NOS1AP: variants seen among roughly 807,000 people sequenced by gnomAD.
The protein encoded by NOS1AP is carboxyl-terminal PDZ ligand of neuronal nitric oxide synthase protein.
Under a neutral mutation model 56.2 loss-of-function variants are expected in NOS1AP, and 21 were observed. The ratio of observed to expected loss-of-function variants is 0.37; its 90% CI spans 0.26 to 0.54. The LOEUF is 0.54. NOS1AP is among the 20% of genes least tolerant of loss of function. The pLI is 0.84. For synonymous variants in NOS1AP, 270 were observed against 274.6 expected (o/e 0.98, Z 0.17); for missense variants, 522 against 657.8 (o/e 0.79, Z 2.26).
At chr1:162,121,041 A>G (rs79069445) in intron 1 of NOS1AP, among the ~76,000 whole-genome samples, 3,203 of 149,476 alleles carry the variant, frequency 0.021, 125 homozygotes, top group African/African-American at 0.076. Context: ...GTCGAGGCCT[A>G]TAGAGAGATG....
At chr1:162,261,528 G>A (rs1654233773) in intron 2 of NOS1AP, among the ~76,000 whole-genome samples, 1 of 41,930 alleles carries the variant, frequency 2.4e-5, no homozygotes, top group African/African-American at 7.5e-5. Flanking sequence ...GAGAGAGAGA[G>A]AGAGAGAGAG....
In NOS1AP at chr1:162,343,980, G is replaced by A. The variant is rs1348629962; in HGVS notation, c.595+4G>A. The A allele has an allele frequency of 6.2e-7, 1 of 1,613,930 alleles. No individual in the cohort carries two copies. The highest frequency in any genetic ancestry group is 1.7e-5 in the Admixed American group (1 of 60,002). ...AGCAACAGCTCAGGAGACCCAGGTA[G>A]GCACTGCGGCTTCTGTGGATGTGGG... On this transcript the variant is annotated splice_donor_region_variant and intron_variant, in intron 6 of 9. Transcript: ENST00000361897.
chr1:162,325,599 T>A (rs1656561327), intron 4 of NOS1AP, among the ~76,000 whole-genome samples: 1 of 151,908 alleles, frequency 6.6e-6, no homozygotes. Flanking sequence ...AGACCAGGAG[T>A]CATGCTGGAT....
chr1:162,243,092 C>A (rs1653541885), intron 2 of NOS1AP, among the ~76,000 whole-genome samples: 1 of 152,160 alleles, frequency 6.6e-6, no homozygotes, highest in African/African-American at 2.4e-5. Context: ...AGTCTTCAAG[C>A]TGGTAATGAG....
intron 8 of NOS1AP, 91 bp from the exon 9 acceptor site, chr1:162,365,313 G>T: frequency 6.3e-7 from 1 of 1,599,910 alleles, no homozygotes; most frequent in South Asian, 1.1e-5. Context: ...GGGCATCTCT[G>T]GTCCCGGCCA....
intron 1 of NOS1AP, among the ~76,000 whole-genome samples, chr1:162,081,774 A>ATATT: frequency 2.3e-4 from 10 of 44,050 alleles, no homozygotes; most frequent in Admixed American, 3.2e-4. Flanking sequence ...ATATATATAT[A>ATATT]TTTTTTTTTT....
intron 8 of NOS1AP, chr1:162,364,413 G>T: frequency 1.0e-6 from 1 of 985,440 alleles, no homozygotes; most frequent in Non-Finnish European, 1.2e-6. Flanking sequence ...AATCACATAT[G>T]TGTGAACACT....
intron 1 of NOS1AP, among the ~76,000 whole-genome samples, chr1:162,104,801 C>T (rs562434172): frequency 1.3e-5 from 2 of 152,226 alleles, no homozygotes; most frequent in South Asian, 4.1e-4. Context: ...CTATCAGCTC[C>T]TGTATTGTTT....
intron 6 of NOS1AP, among the ~76,000 whole-genome samples, chr1:162,346,118 A>G (rs1657287255): frequency 6.6e-6 from 1 of 152,192 alleles, no homozygotes; most frequent in Non-Finnish European, 1.5e-5. Context: ...AAAATGTGGA[A>G]ATCTTTATTG....
intron 8 of NOS1AP, chr1:162,363,762 C>T (rs962384714): frequency 2.0e-6 from 2 of 982,932 alleles, no homozygotes; most frequent in East Asian, 1.1e-4. Context: ...ATGTATTTCA[C>T]TGTATCACAC....
At chr1:162,352,105 G>A (rs575993666) in intron 6 of NOS1AP, among the ~76,000 whole-genome samples, 13 of 152,018 alleles carry the variant, frequency 8.6e-5, no homozygotes, top group Admixed American at 3.3e-4. Context: ...TATTGCCCAG[G>A]CTGGAGTGCA....
In NOS1AP at chr1:162,261,539, A is replaced by AGAGAGAGAGAAGAGAG. The variant is rs1571170434; in HGVS notation, c.178-25798_178-25797insAGAAGAGAGGAGAGAG. ...GAGAGAGAGAGAGAGAGAGAGAGAG[A>AGAGAGAGAGAAGAGAG]GAGAGAGCAATGAAATGACTGGAAC... On this transcript the variant is annotated intron_variant, in intron 2 of 9. Transcript: ENST00000361897. 1.8e-4 allele frequency among the ~76,000 whole-genome samples: 3 copies of AGAGAGAGAGAAGAGAG among 16,878 alleles called. 1 individual carries two copies. Among genetic ancestry groups the AGAGAGAGAGAAGAGAG allele is most frequent in the African/African-American group, 4.1e-4 (3 of 7,374 alleles). 11.1% of individuals were successfully genotyped at this position (16,878 alleles called of 152,430 possible).
intron 9 of NOS1AP, 63 bp from the exon 10 acceptor site, chr1:162,366,989 G>T (rs1658108143): frequency 6.3e-6 from 10 of 1,598,520 alleles, no homozygotes; most frequent in Non-Finnish European, 7.7e-6. Context: ...GCAGAAGGCG[G>T]GCATCCCAAA....
Position 162,233,257 on chromosome 1 carries a change from G to A in NOS1AP, c.178-54087G>A, listed in dbSNP as rs532737182. On this transcript the variant is annotated intron_variant, in intron 2 of 9. Transcript: ENST00000361897. The stretch of plus-strand genomic sequence containing the variant: ...ACCCCTGGTGTTGCTCATCCTCATG[G>A]CCAAAGCAAACAGAGCTTGCTAAGT... 7.2e-5 allele frequency among the ~76,000 whole-genome samples: 11 copies of A among 152,220 alleles called. No individual in the cohort carries two copies. In the East Asian group the frequency reaches 2.1e-3, roughly 29 times the overall value.
At chr1:162,271,986 T>C (rs1654594706) in intron 2 of NOS1AP, among the ~76,000 whole-genome samples, 2 of 152,078 alleles carry the variant, frequency 1.3e-5, no homozygotes, top group Admixed American at 1.3e-4. Flanking sequence ...CTTGAGCAAT[T>C]CTCCCACCTC....
intron 1 of NOS1AP, among the ~76,000 whole-genome samples, chr1:162,087,417 T>TA (rs1692027720): frequency 6.6e-6 from 1 of 152,192 alleles, no homozygotes; most frequent in Non-Finnish European, 1.5e-5. Context: ...TACACTAATT[T>TA]GTCTACTCTT....
intron 1 of NOS1AP, among the ~76,000 whole-genome samples, chr1:162,105,092 G>T (rs752253708): frequency 3.9e-5 from 6 of 152,004 alleles, no homozygotes; most frequent in Admixed American, 6.6e-5. Context: ...GTTTTTGAGG[G>T]GTCTTTTTTG....
chr1:162,294,473 C>A (rs1017816781), intron 3 of NOS1AP, among the ~76,000 whole-genome samples: 7 of 152,126 alleles, frequency 4.6e-5, no homozygotes, highest in Non-Finnish European at 1.0e-4. Context: ...CTTGGGTGCA[C>A]CTCCCTGTGA....
chr1:162,170,911 C>T (rs1313826062), intron 2 of NOS1AP, among the ~76,000 whole-genome samples: 2 of 151,264 alleles, frequency 1.3e-5, no homozygotes, highest in Non-Finnish European at 1.5e-5. Context: ...TGCACTCTAA[C>T]CTGGGCAACA....
Sources: allele counts gnomAD v4.1 joint callset (sites outside exome capture counted in the v4.1 genomes callset), GRCh38; gene constraint gnomAD v4.1.1; transcripts MANE v1.5; gene names NCBI Gene and HGNC (gene_info 2026-07-23, HGNC 2026-07-21).